The following MCTP2 variants were observed in gnomAD, a reference collection of about 807,000 sequenced individuals.
MCTP2 encodes the protein multiple C2 and transmembrane domain-containing protein 2.
MCTP2 carries 132 observed loss-of-function variants against 111.6 expected under a neutral mutation model. That is an observed-to-expected ratio of 1.18 (90% CI 1.03 to 1.37). MCTP2 has a LOEUF of 1.37. Among genes scored for constraint, MCTP2 ranks in the 40% most tolerant of loss-of-function variants. The pLI is 0.00. For synonymous variants in MCTP2, 395 were observed against 387.7 expected (o/e 1.02, Z -0.22); for missense variants, 1,183 against 1,067.9 (o/e 1.11, Z -1.50).
intron 17 of MCTP2, among the ~76,000 whole-genome samples, chr15:94,429,542 T>G (rs2152500196): frequency 6.6e-6 from 1 of 152,288 alleles, no homozygotes. Flanking sequence ...TTAAAATACT[T>G]TATCTATTTT....
At chr15:94,319,037 G>T (rs199562866) in intron 4 of MCTP2, among the ~76,000 whole-genome samples, 3,609 of 146,480 alleles carry the variant, frequency 0.025, 162 homozygotes, top group African/African-American at 0.084. Context: ...ATTGTTCTTG[G>T]TTTTTTTTTT....
At chr15:94,433,855 G>A (rs1555473319) in intron 17 of MCTP2, among the ~76,000 whole-genome samples, 1 of 152,100 alleles carries the variant, frequency 6.6e-6, no homozygotes, top group Non-Finnish European at 1.5e-5. Context: ...GCATAATCAT[G>A]TTGGATATCT....
intron 14 of MCTP2, among the ~76,000 whole-genome samples, chr15:94,387,296 T>C (rs1329518166): frequency 2.0e-5 from 3 of 151,582 alleles, no homozygotes; most frequent in Non-Finnish European, 4.4e-5. Context: ...CATCGTAGCA[T>C]GTCCAGCCGT....
At chr15:94,391,786 T>A (rs1470057643) in intron 14 of MCTP2, among the ~76,000 whole-genome samples, 1 of 152,196 alleles carries the variant, frequency 6.6e-6, no homozygotes. Context: ...GGTGTTTGAT[T>A]AGAACAGACA....
chr15:94,316,389 T>C (rs2076379953), intron 4 of MCTP2, among the ~76,000 whole-genome samples: 1 of 152,224 alleles, frequency 6.6e-6, no homozygotes, highest in Non-Finnish European at 1.5e-5. Flanking sequence ...CTAAACCTTA[T>C]ATTAAAATGG....
chr15:94,327,078 A>G (rs1372030112), intron 4 of MCTP2, among the ~76,000 whole-genome samples: 4 of 151,852 alleles, frequency 2.6e-5, no homozygotes, highest in African/African-American at 9.7e-5. Context: ...TTGCCTTTAG[A>G]TTGTGTTTAT....
chr15:94,474,429 T>C (rs963215737), intron 21 of MCTP2, among the ~76,000 whole-genome samples: 2 of 152,206 alleles, frequency 1.3e-5, no homozygotes, highest in African/African-American at 4.8e-5. Context: ...GTCTTTATTA[T>C]TCAAATATTA....
intron 2 of MCTP2, among the ~76,000 whole-genome samples, chr15:94,306,528 C>G (rs1414247117): frequency 2.0e-5 from 3 of 152,040 alleles, no homozygotes; most frequent in Admixed American, 1.3e-4. Context: ...TGGGAGAGCT[C>G]AGATCTGGAG....
At chr15:94,255,764 T>A (rs2072725074) in intron 1 of MCTP2, among the ~76,000 whole-genome samples, 1 of 152,140 alleles carries the variant, frequency 6.6e-6, no homozygotes, top group South Asian at 2.1e-4. Context: ...ATCCTAGTGA[T>A]CTTTGCTCAG....
chr15:94,239,471 C>G (rs1400827638), intron 1 of MCTP2, among the ~76,000 whole-genome samples: 1 of 152,204 alleles, frequency 6.6e-6, no homozygotes, highest in Non-Finnish European at 1.5e-5. Context: ...CAATGCTTCA[C>G]TTGAAGACTT....
At chr15:94,313,209 C>T (rs2076226891) in intron 2 of MCTP2, among the ~76,000 whole-genome samples, 1 of 152,188 alleles carries the variant, frequency 6.6e-6, no homozygotes, top group African/African-American at 2.4e-5. Flanking sequence ...GTCCCCCCTC[C>T]ACTCTGCCTC....
rs1210458691 is a variant in MCTP2 at position 94,313,699 on chromosome 15, T to TA, written c.466-572dup. The stretch of plus-strand genomic sequence containing the variant: ...CTGGGCGACAGAGTGAGACTCTGTC[T>TA]AAAAAAAAAAACAAACAAACAAATA... On this transcript the variant is annotated intron_variant, in intron 2 of 22. Coordinates refer to ENST00000357742, the MANE Select transcript of MCTP2 (RefSeq NM_001385001.1). Among the ~76,000 whole-genome samples, 105 of 144,502 alleles carry TA rather than the reference T, an allele frequency of 7.3e-4. 1 individual carries two copies. The highest frequency in any genetic ancestry group is 2.8e-3 in the East Asian group (14 of 5,008). 94.8% of individuals were successfully genotyped at this position (144,502 alleles called of 152,430 possible).
Position 94,481,755 on chromosome 15 carries a change from G to A in MCTP2, c.*2721G>A, listed in dbSNP as rs1035651602. ...GAGGCTTTGACCACTGTCCTCCACT[G>A]AATAGCCCATTACAGCTAGCACCTA... is the stretch of plus-strand genomic sequence containing the variant. On this transcript the variant is annotated 3_prime_UTR_variant, in exon 23 of 23. Coordinates refer to ENST00000357742, the MANE Select transcript of MCTP2 (RefSeq NM_001385001.1). 6.6e-5 allele frequency: 10 copies of A among 152,314 alleles called. No homozygotes were observed. Among genetic ancestry groups the A allele is most frequent in the African/African-American group, 2.4e-4 (10 of 41,570 alleles). 9.4% of individuals were successfully genotyped at this position (152,314 alleles called of 1,614,324 possible).
At chr15:94,463,085 T>C (rs566419261) in intron 20 of MCTP2, among the ~76,000 whole-genome samples, 98 of 152,014 alleles carry the variant, frequency 6.4e-4, no homozygotes, top group Non-Finnish European at 1.1e-3. Flanking sequence ...TGTGGGAGAG[T>C]GAGTGTGTCG....
intron 19 of MCTP2, among the ~76,000 whole-genome samples, chr15:94,444,965 A>G (rs1169228307): frequency 6.6e-6 from 1 of 152,222 alleles, no homozygotes; most frequent in African/African-American, 2.4e-5. Context: ...GAAACATGGT[A>G]TTCAGTGACT....
chr15:94,461,049 A>C (rs980112601), intron 20 of MCTP2, among the ~76,000 whole-genome samples: 5 of 152,180 alleles, frequency 3.3e-5, no homozygotes, highest in African/African-American at 1.2e-4. Flanking sequence ...GTGGTGTTGC[A>C]TTTATGTGGA....
intron 14 of MCTP2, among the ~76,000 whole-genome samples, chr15:94,390,725 C>CTTTTTTTTTTTTTTTTTTTT (rs777312969): frequency 1.8e-5 from 2 of 112,984 alleles, no homozygotes; most frequent in Non-Finnish European, 3.7e-5. Flanking sequence ...CTTTTCTTTT[C>CTTTTTTTTTTTTTTTTTTTT]TTTTTTTTTT....
chr15:94,359,904 T>C (rs1428230541), intron 10 of MCTP2, among the ~76,000 whole-genome samples: 1 of 152,156 alleles, frequency 6.6e-6, no homozygotes, highest in Non-Finnish European at 1.5e-5. Flanking sequence ...TCAGTACCTG[T>C]GGAATGTTGC....
In MCTP2 at chr15:94,385,516, C is replaced by A. The variant is rs541250089; in HGVS notation, c.1779C>A (p.Pro593=). ...ATTTTCTTGGAAAAGTTGCCATTCCCTTGCTGTCCGTAAGTTTCCTTTATT... is the reference window on the plus strand; with the variant it reads ...ATTTTCTTGGAAAAGTTGCCATTCCATTGCTGTCCGTAAGTTTCCTTTATT... ...PPDFLGKVAI[P]LLSIRDGQPN... is the part of the protein sequence containing the mutation. Residue 593 remains proline (P), a synonymous_variant, in exon 14 of 23, where the codon CCC becomes CCA. Coordinates refer to ENST00000357742, the MANE Select transcript of MCTP2 (RefSeq NM_001385001.1). 6.2e-7 allele frequency: 1 copy of A among 1,609,140 alleles called. No homozygotes were observed. Among genetic ancestry groups the A allele is most frequent in the South Asian group, 1.1e-5 (1 of 90,988 alleles).
Sources: gnomAD v4.1 joint callset for allele counts (sites outside exome capture counted in the v4.1 genomes callset) on GRCh38, gnomAD v4.1.1 for gene constraint, MANE v1.5 for transcripts, NCBI Gene and HGNC (gene_info 2026-07-23, HGNC 2026-07-21) for gene names.